The following ARHGAP28 variants were observed in gnomAD, a reference collection of about 807,000 sequenced individuals.
ARHGAP28 encodes the protein Rho GTPase activating protein 28, also known as rho GTPase-activating protein 28.
In ARHGAP28, 56 loss-of-function variants were observed where a neutral mutation model predicts 90.7. That is an observed-to-expected ratio of 0.62 (90% CI 0.50 to 0.77). The LOEUF is 0.77. Among genes scored for constraint, ARHGAP28 ranks in the 30% least tolerant of loss-of-function variants. ARHGAP28 has a pLI of 0.00. For missense variants in ARHGAP28, 869 were observed against 900.9 expected (o/e 0.96, Z 0.45); for synonymous variants, 308 against 323.3 (o/e 0.95, Z 0.51).
intron 1 of ARHGAP28, among the ~76,000 whole-genome samples, chr18:6,764,240 A>G (rs2056183428): frequency 6.6e-6 from 1 of 152,200 alleles, no homozygotes; most frequent in Non-Finnish European, 1.5e-5. Flanking sequence ...TCCAGGGTGC[A>G]TGAATATTAG....
At chr18:6,894,806 AT>A (rs1311273563) in intron 14 of ARHGAP28, 28 bp from the exon 15 acceptor site, 7 of 1,607,478 alleles carry the variant, frequency 4.4e-6, no homozygotes, top group Non-Finnish European at 6.0e-6. Flanking sequence ...TTTTCTCAAC[AT>A]TACTCCTAAA....
intron 11 of ARHGAP28, among the ~76,000 whole-genome samples, chr18:6,886,757 C>T (rs1463914763): frequency 1.3e-5 from 2 of 152,180 alleles, no homozygotes; most frequent in African/African-American, 4.8e-5. Flanking sequence ...AAACCTGGTT[C>T]TAAATCTGTG....
At chr18:6,889,461 A>G (rs1436745425) in intron 12 of ARHGAP28, among the ~76,000 whole-genome samples, 2 of 152,216 alleles carry the variant, frequency 1.3e-5, no homozygotes, top group East Asian at 3.8e-4. Flanking sequence ...AGGAAATTGT[A>G]AATAGTTTTC....
intron 11 of ARHGAP28, among the ~76,000 whole-genome samples, chr18:6,882,948 T>C (rs546749077): frequency 4.6e-5 from 7 of 152,286 alleles, no homozygotes; most frequent in Middle Eastern, 6.8e-3. Context: ...GGTTGAATAT[T>C]GTGGAGGATG....
intron 1 of ARHGAP28, among the ~76,000 whole-genome samples, chr18:6,736,614 G>A (rs562725525): frequency 1.3e-5 from 2 of 151,888 alleles, no homozygotes; most frequent in African/African-American, 4.8e-5. Context: ...GAGCGTGATG[G>A]TGGGCGCCTG....
In ARHGAP28 at chr18:6,825,206, C is replaced by T. The variant is rs537096818; in HGVS notation, c.325+242C>T. Among the ~76,000 whole-genome samples the T allele has an allele frequency of 3.9e-5, 6 of 152,228 alleles. No homozygotes were observed. The South Asian group carries it at 1.2e-3, about 32-fold the overall frequency. On this transcript the variant is annotated intron_variant, in intron 2 of 17. Transcript: ENST00000383472. ...CCTCAACAAAAATACAAATTGATGC[C>T]TTATATACTGCTACTTAGGGATGCT...
At chr18:6,836,768 C>G (rs909476144) in intron 2 of ARHGAP28, among the ~76,000 whole-genome samples, 1 of 152,148 alleles carries the variant, frequency 6.6e-6, no homozygotes, top group South Asian at 2.1e-4. Context: ...CTCGAGATAT[C>G]GTTAAGACTT....
chr18:6,800,585 C>A (rs1193739620), intron 1 of ARHGAP28, among the ~76,000 whole-genome samples: 1 of 152,118 alleles, frequency 6.6e-6, no homozygotes, highest in Non-Finnish European at 1.5e-5. Context: ...TGGAAACCAT[C>A]ATTCTCAGCA....
chr18:6,847,414 T>C (rs1045045270), intron 3 of ARHGAP28, among the ~76,000 whole-genome samples: 4 of 152,154 alleles, frequency 2.6e-5, no homozygotes, highest in African/African-American at 9.7e-5. Context: ...CAGAACTTCT[T>C]CTCTCTCAGT....
At chr18:6,815,905 GTT>G (rs59226074) in intron 1 of ARHGAP28, among the ~76,000 whole-genome samples, 1 of 144,298 alleles carries the variant, frequency 6.9e-6, no homozygotes. Flanking sequence ...ATGTGTCATT[GTT>G]TTTTTTTTTT....
chr18:6,816,250 G>A (rs1600211442), intron 1 of ARHGAP28, among the ~76,000 whole-genome samples: 1 of 152,144 alleles, frequency 6.6e-6, no homozygotes. Context: ...TATCATTATT[G>A]CCTTTCAAGT....
At chr18:6,818,151 G>C (rs7244308) in intron 1 of ARHGAP28, among the ~76,000 whole-genome samples, 101,386 of 152,020 alleles carry the variant, frequency 0.67, 35,319 homozygotes, top group Non-Finnish European at 0.78. Flanking sequence ...CCATTTTACT[G>C]TTTAGGAAAT....
At chr18:6,900,710 C>A (rs189047165) in intron 16 of ARHGAP28, among the ~76,000 whole-genome samples, 169 of 152,008 alleles carry the variant, frequency 1.1e-3, no homozygotes, top group African/African-American at 4.0e-3. Flanking sequence ...ATACAATCAG[C>A]GTCCCAAAAG....
chr18:6,844,346 A>C (rs1048988366), intron 3 of ARHGAP28, among the ~76,000 whole-genome samples: 1 of 152,178 alleles, frequency 6.6e-6, no homozygotes, highest in Non-Finnish European at 1.5e-5. Context: ...TTTGGCTTTC[A>C]TAAAAACAAT....
chr18:6,898,325 G>A lies in ARHGAP28; in HGVS notation c.2030+1699G>A, dbSNP rs1378156226. 5 of 560,434 alleles carry A rather than the reference G, an allele frequency of 8.9e-6. No individual in the cohort carries two copies. In the African/African-American group the frequency reaches 9.7e-5, roughly 11 times the overall value. The allele number at this position is 560,434 out of a possible 1,614,324, so 34.7% of individuals were successfully genotyped here. Reference sequence around the variant, plus strand: ...TCCTTTTGGTATTAGATTATATGATGTGTTCACTTTGTGAAAATTCATCAA... The same window carrying A: ...TCCTTTTGGTATTAGATTATATGATATGTTCACTTTGTGAAAATTCATCAA... On this transcript the variant is annotated intron_variant, in intron 16 of 17. Transcript: ENST00000383472.
intron 1 of ARHGAP28, among the ~76,000 whole-genome samples, chr18:6,775,315 T>A (rs1191120152): frequency 6.6e-6 from 1 of 152,254 alleles, no homozygotes; most frequent in Non-Finnish European, 1.5e-5. Context: ...TTGAGCAGTG[T>A]CATCTGTGTA....
chr18:6,848,952 T>C (rs762376408), intron 3 of ARHGAP28, among the ~76,000 whole-genome samples: 2 of 152,034 alleles, frequency 1.3e-5, no homozygotes, highest in Non-Finnish European at 2.9e-5. Flanking sequence ...CATACCACCT[T>C]TTAAAGGCTG....
chr18:6,854,292 C>T (rs531980674), intron 4 of ARHGAP28, among the ~76,000 whole-genome samples: 13 of 151,866 alleles, frequency 8.6e-5, no homozygotes, highest in Non-Finnish European at 1.8e-4. Context: ...TATAAATAAA[C>T]TTCTCTAGGT....
chr18:6,798,579 G>A (rs1171115441), intron 1 of ARHGAP28, among the ~76,000 whole-genome samples: 1 of 152,092 alleles, frequency 6.6e-6, no homozygotes, highest in Non-Finnish European at 1.5e-5. Context: ...CAATATTCTA[G>A]GTGAAGTAAC....
Sources: allele counts gnomAD v4.1 joint callset (sites outside exome capture counted in the v4.1 genomes callset), GRCh38; gene constraint gnomAD v4.1.1; transcripts MANE v1.5; gene names NCBI Gene and HGNC (gene_info 2026-07-23, HGNC 2026-07-21).